Variants in NME9 observed in about 807,000 individuals in gnomAD.
NME9 encodes the protein thioredoxin domain-containing protein 6.
Under a neutral mutation model 44.4 loss-of-function variants are expected in NME9, and 48 were observed. The ratio of observed to expected loss-of-function variants is 1.08; its 90% CI spans 0.86 to 1.37. The LOEUF is 1.37. NME9 is among the 40% of genes most tolerant of loss of function. The pLI, the probability that NME9 is intolerant of heterozygous loss-of-function variation, is 0.00. For missense variants in NME9, 325 were observed against 405.2 expected (o/e 0.80, Z 1.70); for synonymous variants, 139 against 147.1 (o/e 0.94, Z 0.40).
chr3:138,314,445 A>C, intron 5 of NME9, 38 bp from the exon 6 acceptor site: 4 of 1,256,940 alleles, frequency 3.2e-6, no homozygotes, highest in Non-Finnish European at 4.6e-6. Context: ...GTAGTTAGCT[A>C]ATTAACATTA....
At chr3:138,311,739 C>A (rs2052718673) in intron 6 of NME9, among the ~76,000 whole-genome samples, 1 of 151,932 alleles carries the variant, frequency 6.6e-6, no homozygotes, top group Non-Finnish European at 1.5e-5. Context: ...AGGAACATAC[C>A]TCAAAACAAT....
intron 10 of NME9, among the ~76,000 whole-genome samples, chr3:138,302,758 C>T (rs1311308165): frequency 6.6e-6 from 1 of 152,378 alleles, no homozygotes; most frequent in East Asian, 1.9e-4. Flanking sequence ...TTTAGACACA[C>T]ATTTCAGATG....
At chr3:138,261,638 G>A (rs539315055) in exon 9 of NME9, 3 of 152,364 alleles carry the variant, frequency 2.0e-5, no homozygotes, top group South Asian at 2.1e-4. Flanking sequence ...AAGATGGAAA[G>A]TGGGGAGAGG....
chr3:138,281,764 GTCTATTCTGAGGGA>G (rs1377023219), intron 8 of NME9, among the ~76,000 whole-genome samples: 1 of 152,124 alleles, frequency 6.6e-6, no homozygotes, highest in Non-Finnish European at 1.5e-5. Context: ...TGCTGACCTG[GTCTATTCTGAGGGA>G]TCTTCCCTGG....
Position 138,329,392 on chromosome 3 carries a change from C to G in NME9, c.-57G>C, listed in dbSNP as rs2053988612. The G allele has an allele frequency of 1.3e-6, 2 of 1,535,442 alleles. No individual in the cohort carries two copies. The highest frequency in any genetic ancestry group is 1.2e-5 in the South Asian group (1 of 83,964). On this transcript the variant is annotated 5_prime_UTR_variant, in exon 1 of 11. Transcript: ENST00000333911. The stretch of plus-strand genomic sequence containing the variant: ...GCGGCCGTGGGCCGTTCCCCCGCAG[C>G]CTCGCGACAAACCGCTGCGTGGATC...
chr3:138,293,369 G>A (rs538762751), intron 8 of NME9, among the ~76,000 whole-genome samples: 16 of 152,228 alleles, frequency 1.1e-4, no homozygotes, highest in East Asian at 1.9e-4. Context: ...GTGAAACCCC[G>A]TCTCTACTAA....
At chr3:138,263,403 T>A (rs2047945127) in intron 8 of NME9, 1 of 250,986 alleles carries the variant, frequency 4.0e-6, no homozygotes, top group South Asian at 5.6e-5. Flanking sequence ...ACCTGCCCAA[T>A]GAGAGTTCAT....
intron 6 of NME9, among the ~76,000 whole-genome samples, chr3:138,310,992 A>G (rs1263321110): frequency 6.6e-6 from 1 of 152,154 alleles, no homozygotes; most frequent in Non-Finnish European, 1.5e-5. Flanking sequence ...AAAAGATAAA[A>G]TCAACGAAAC....
Position 138,314,221 on chromosome 3 carries a change from ATCT to A in NME9, c.460+108_460+110del, listed in dbSNP as rs900615283. 38 of 586,474 alleles carry A rather than the reference ATCT, an allele frequency of 6.5e-5. No homozygotes were observed. The Middle Eastern group carries it at 8.1e-4, about 13-fold the overall frequency. The allele number at this position is 586,474 out of a possible 1,614,324, so 36.3% of individuals were successfully genotyped here. A position where few individuals can be genotyped will look rare whatever the true frequency, so the allele number is the denominator to read the frequency against. On this transcript the variant is annotated intron_variant, in intron 6 of 10. Transcript: ENST00000333911. ...AAAGAAAATTATGAACCATTAAAAA[ATCT>A]TCTCATAGTTCAGATTGCTCAGTAA... is the stretch of plus-strand genomic sequence containing the variant.
downstream of NME9, among the ~76,000 whole-genome samples, chr3:138,299,384 T>C (rs2051724554): frequency 6.6e-6 from 1 of 152,096 alleles, no homozygotes; most frequent in Admixed American, 6.5e-5. Flanking sequence ...CAGCCTGCCC[T>C]CCTCGTCAGG....
intron 8 of NME9, chr3:138,290,749 C>T: frequency 2.8e-6 from 2 of 707,142 alleles, no homozygotes; most frequent in Non-Finnish European, 4.7e-6. Flanking sequence ...CTTTTAGATT[C>T]TTAGATTTTC....
rs532394105 is a variant in NME9 at position 138,308,903 on chromosome 3, T to C, written c.461-2423A>G. On this transcript the variant is annotated intron_variant, in intron 6 of 10. Transcript: ENST00000333911. Reference sequence around the variant, plus strand: ...AACAGGCTTCTCAATAGAAACTATATAGGCCAGGAGGCAGTGGAATGACAT... The same window carrying C: ...AACAGGCTTCTCAATAGAAACTATACAGGCCAGGAGGCAGTGGAATGACAT... Among the ~76,000 whole-genome samples the C allele has an allele frequency of 1.4e-4, 18 of 125,994 alleles. No individual in the cohort carries two copies. In the East Asian group the frequency reaches 3.6e-3, roughly 25 times the overall value. The allele number at this position is 125,994 out of a possible 152,430, so 82.7% of individuals were successfully genotyped here. A position where few individuals can be genotyped will look rare whatever the true frequency, so the allele number is the denominator to read the frequency against.
intron 2 of NME9, among the ~76,000 whole-genome samples, chr3:138,323,351 G>T (rs1034697886): frequency 6.6e-6 from 1 of 152,220 alleles, no homozygotes; most frequent in Non-Finnish European, 1.5e-5. Context: ...CAGAGACAGA[G>T]GTTGTAGTGA....
Position 138,303,652 on chromosome 3 carries a change from A to G in NME9, c.792-9T>C, listed in dbSNP as rs1247888966. On this transcript the variant is annotated splice_polypyrimidine_tract_variant and intron_variant, in intron 9 of 10. Transcript: ENST00000333911. ...CGTACTGAGCTCGGAGACTGGGAAC[A>G]TTGGCAAAATGTAAAAGAAACAATT... The G allele has an allele frequency of 6.3e-7, 1 of 1,589,276 alleles. No individual in the cohort carries two copies. Among genetic ancestry groups the G allele is most frequent in the Non-Finnish European group, 8.6e-7 (1 of 1,164,088 alleles).
Position 138,276,711 on chromosome 3 carries a change from C to G in NME9, c.746-14125G>C, listed in dbSNP as rs530387799. Among the ~76,000 whole-genome samples the G allele has an allele frequency of 1.2e-4, 18 of 152,268 alleles. No homozygotes were observed. In the South Asian group the frequency reaches 3.7e-3, roughly 32 times the overall value. ...AATGAAATTCTATGTATAAATCTCA[C>G]AAGGATCTGTATACTGAAAACTATA... On this transcript the variant is annotated intron_variant, in intron 8 of 8. Coordinates refer to the NME9 transcript ENST00000317876.
At position 138,303,541 on chromosome 3, in the gene NME9, C is replaced by G. The variant is rs200869842; in HGVS notation, c.894G>C (p.Leu298Phe). 2 of 1,613,874 alleles carry G rather than the reference C, an allele frequency of 1.2e-6. No individual in the cohort carries two copies. Among genetic ancestry groups the G allele is most frequent in the African/African-American group, 1.3e-5 (1 of 75,020 alleles). Reference protein sequence around the residue: ...DRELALLFPSLKFSDKDTEAP... With the variant: ...DRELALLFPSFKFSDKDTEAP... ...CTTCTGTATCTTTGTCTGAAAATTTCAAACTGGGGAAGAGCAATGCCAGTT... is the reference window on the plus strand; with the variant it reads ...CTTCTGTATCTTTGTCTGAAAATTTGAAACTGGGGAAGAGCAATGCCAGTT... The change falls in exon 10 of 11, where the codon TTG becomes TTC. Residue 298 changes from leucine to phenylalanine, a missense_variant. Coordinates refer to ENST00000333911, the MANE Select transcript of NME9 (RefSeq NM_001349018.2).
Position 138,329,560 on chromosome 3 carries a change from C to T in NME9, c.-225G>A, listed in dbSNP as rs2053997181. ...AAGCGGAGCCTGCAGTCCACGGGCT[C>T]GTGGCTCGCCGGGCGGTTTTCTGGG... is the stretch of plus-strand genomic sequence containing the variant. On this transcript the variant is annotated 5_prime_UTR_variant, in exon 1 of 11. Coordinates refer to ENST00000333911, the MANE Select transcript of NME9 (RefSeq NM_001349018.2). The T allele has an allele frequency of 7.6e-6, 10 of 1,317,678 alleles. No individual in the cohort carries two copies. Among genetic ancestry groups the T allele is most frequent in the African/African-American group, 1.5e-5 (1 of 65,408 alleles). 81.6% of individuals were successfully genotyped at this position (1,317,678 alleles called of 1,614,324 possible).
intron 8 of NME9, among the ~76,000 whole-genome samples, chr3:138,278,416 A>G (rs951702752): frequency 3.9e-5 from 6 of 152,028 alleles, no homozygotes; most frequent in African/African-American, 1.4e-4. Flanking sequence ...AGGCAGGAGA[A>G]TCGCTTGAAC....
At chr3:138,270,501 CAG>C (rs1250117373) in intron 8 of NME9, among the ~76,000 whole-genome samples, 2 of 152,242 alleles carry the variant, frequency 1.3e-5, no homozygotes, top group South Asian at 2.1e-4. Flanking sequence ...TGATACCAAC[CAG>C]AGAGTTCTTA....
Sources: allele counts gnomAD v4.1 joint callset (sites outside exome capture counted in the v4.1 genomes callset), GRCh38; gene constraint gnomAD v4.1.1; transcripts MANE v1.5; gene names NCBI Gene and HGNC (gene_info 2026-07-23, HGNC 2026-07-21).